Variants in DKK2 observed in about 807,000 individuals in gnomAD.
DKK2 encodes the protein dickkopf Wnt signaling pathway inhibitor 2, also known as dickkopf-related protein 2.
In DKK2, 11 loss-of-function variants were observed where a neutral mutation model predicts 28.1. The ratio of observed to expected loss-of-function variants is 0.39; its 90% CI spans 0.25 to 0.65. The LOEUF is 0.65. Among genes scored for constraint, DKK2 ranks in the 30% least tolerant of loss-of-function variants. DKK2 has a pLI of 0.47. For synonymous variants in DKK2, 135 were observed against 126.5 expected (o/e 1.07, Z -0.45); for missense variants, 326 against 335.5 (o/e 0.97, Z 0.22).
intron 1 of DKK2, among the ~76,000 whole-genome samples, chr4:107,023,417 G>T (rs971493271): frequency 6.6e-6 from 1 of 152,010 alleles, no homozygotes; most frequent in African/African-American, 2.4e-5. Flanking sequence ...GATTACAACT[G>T]CATGACATCC....
At chr4:107,025,843 C>T (rs1010148774) in intron 1 of DKK2, among the ~76,000 whole-genome samples, 15 of 152,170 alleles carry the variant, frequency 9.9e-5, no homozygotes, top group Non-Finnish European at 1.5e-4. Flanking sequence ...AAACTGTCTA[C>T]GTATAATTTA....
chr4:107,011,642 G>T (rs1193246666), intron 1 of DKK2, among the ~76,000 whole-genome samples: 1 of 151,272 alleles, frequency 6.6e-6, no homozygotes, highest in African/African-American at 2.4e-5. Context: ...AACATTTGCT[G>T]CTTCATCATG....
chr4:106,994,310 A>T (rs1421094320), intron 1 of DKK2, among the ~76,000 whole-genome samples: 1 of 152,184 alleles, frequency 6.6e-6, no homozygotes, highest in Non-Finnish European at 1.5e-5. Flanking sequence ...AAACACATCT[A>T]AAGGTTTGCT....
Position 106,945,536 on chromosome 4 carries a change from T to C in DKK2, c.223-19587A>G, listed in dbSNP as rs1203867090. Among the ~76,000 whole-genome samples, 3 of 152,264 alleles carry C rather than the reference T, an allele frequency of 2.0e-5. No homozygotes were observed. The East Asian group carries it at 5.8e-4, about 29-fold the overall frequency. Reference sequence around the variant, plus strand: ...CCTAAGTATTAACAAACCACTTCTCTTTTGCAAACTTCCAACACAAGTTTG... The same window carrying C: ...CCTAAGTATTAACAAACCACTTCTCCTTTGCAAACTTCCAACACAAGTTTG... On this transcript the variant is annotated intron_variant, in intron 1 of 3. Transcript: ENST00000285311.
intron 1 of DKK2, among the ~76,000 whole-genome samples, chr4:106,981,005 G>C (rs1409353901): frequency 6.6e-6 from 1 of 152,084 alleles, no homozygotes; most frequent in African/African-American, 2.4e-5. Context: ...AGTGTCATGA[G>C]CAAGAATTTA....
chr4:106,950,499 A>G (rs1724843091), intron 1 of DKK2, among the ~76,000 whole-genome samples: 1 of 146,252 alleles, frequency 6.8e-6, no homozygotes, highest in Non-Finnish European at 1.5e-5. Context: ...CTTGCTGAAA[A>G]CTATCTACTG....
chr4:107,034,700 A>T (rs892085909), intron 1 of DKK2, among the ~76,000 whole-genome samples: 1 of 152,140 alleles, frequency 6.6e-6, no homozygotes, highest in Non-Finnish European at 1.5e-5. Flanking sequence ...ATGCGCGTCT[A>T]CTGGAGTTGT....
intron 1 of DKK2, among the ~76,000 whole-genome samples, chr4:106,937,974 T>G (rs1437454190): frequency 2.7e-4 from 38 of 140,126 alleles, no homozygotes; most frequent in Non-Finnish European, 5.0e-4. Context: ...AAGCAGTGTG[T>G]AGAGGGAAAT....
At position 106,923,874 on chromosome 4, in the gene DKK2, GA is replaced by G; in HGVS notation, c.*79del. 6.4e-7 allele frequency: 1 copy of G among 1,556,474 alleles called. No homozygotes were observed. Among genetic ancestry groups the G allele is most frequent in the Non-Finnish European group, 8.7e-7 (1 of 1,143,856 alleles). ...TTATTTTAGCCATTCTTCTGCATCT[GA>G]ACCTTATTTTCCACCATGCTATAAT... is the stretch of plus-strand genomic sequence containing the variant. On this transcript the variant is annotated 3_prime_UTR_variant, in exon 4 of 4. Coordinates refer to ENST00000285311, the MANE Select transcript of DKK2 (RefSeq NM_014421.3).
intron 1 of DKK2, among the ~76,000 whole-genome samples, chr4:107,012,746 T>C (rs1404775964): frequency 2.0e-5 from 3 of 151,148 alleles, no homozygotes; most frequent in Admixed American, 1.3e-4. Flanking sequence ...ATCATGATAT[T>C]GCAGCATATG....
chr4:107,034,548 CAG>C (rs1474372740), intron 1 of DKK2, among the ~76,000 whole-genome samples: 1 of 152,188 alleles, frequency 6.6e-6, no homozygotes, highest in Non-Finnish European at 1.5e-5. Flanking sequence ...ATGACAGAGA[CAG>C]AGGCGCCTGC....
At position 106,975,494 on chromosome 4, in the gene DKK2, T is replaced by C. The variant is rs561489272; in HGVS notation, c.223-49545A>G. Among the ~76,000 whole-genome samples, 3 of 152,324 alleles carry C rather than the reference T, an allele frequency of 2.0e-5. No homozygotes were observed. In the South Asian group the frequency reaches 6.2e-4, roughly 32 times the overall value. ...GAGGGTGTATGTGTCTAGGAATTTA[T>C]CCATTTCTTTTAAATTTTCTAGTTT... On this transcript the variant is annotated intron_variant, in intron 1 of 3. Coordinates refer to ENST00000285311, the MANE Select transcript of DKK2 (RefSeq NM_014421.3).
intron 1 of DKK2, among the ~76,000 whole-genome samples, chr4:106,928,690 C>G (rs1724458116): frequency 6.6e-6 from 1 of 152,076 alleles, no homozygotes; most frequent in Non-Finnish European, 1.5e-5. Flanking sequence ...GTAAAGCTTA[C>G]CTTGTAATAA....
chr4:106,961,651 G>A (rs938485070), intron 1 of DKK2, among the ~76,000 whole-genome samples: 7 of 151,262 alleles, frequency 4.6e-5, no homozygotes, highest in African/African-American at 1.7e-4. Flanking sequence ...TGGTTTTATG[G>A]TCTTTCTCTT....
chr4:107,027,359 T>C (rs956576553), intron 1 of DKK2, among the ~76,000 whole-genome samples: 15 of 152,046 alleles, frequency 9.9e-5, no homozygotes, highest in African/African-American at 3.6e-4. Flanking sequence ...TCCAATATGT[T>C]AAATGAAATT....
intron 1 of DKK2, among the ~76,000 whole-genome samples, chr4:107,011,896 G>T (rs951303718): frequency 3.3e-5 from 5 of 151,244 alleles, no homozygotes; most frequent in African/African-American, 1.2e-4. Context: ...AAAGAGTTTT[G>T]AACTTTTAGA....
At chr4:106,938,773 G>A (rs1724642399) in intron 1 of DKK2, among the ~76,000 whole-genome samples, 1 of 151,680 alleles carries the variant, frequency 6.6e-6, no homozygotes, top group Admixed American at 6.6e-5. Flanking sequence ...ATGATCAAGT[G>A]GGCTTCATCC....
At chr4:106,981,037 A>G (rs910967567) in intron 1 of DKK2, among the ~76,000 whole-genome samples, 1 of 152,280 alleles carries the variant, frequency 6.6e-6, no homozygotes, top group African/African-American at 2.4e-5. Flanking sequence ...CAAATGAAAA[A>G]GTAACTGGAA....
At chr4:106,966,392 T>C (rs1722781468) in intron 1 of DKK2, among the ~76,000 whole-genome samples, 1 of 152,180 alleles carries the variant, frequency 6.6e-6, no homozygotes, top group Non-Finnish European at 1.5e-5. Context: ...TTATATACAT[T>C]TTACACAATG....
Sources: gnomAD v4.1 joint callset for allele counts (sites outside exome capture counted in the v4.1 genomes callset) on GRCh38, gnomAD v4.1.1 for gene constraint, MANE v1.5 for transcripts, NCBI Gene and HGNC (gene_info 2026-07-23, HGNC 2026-07-21) for gene names.